FLVCR2: variants seen among roughly 807,000 people sequenced by gnomAD.
The protein encoded by FLVCR2 is FLVCR choline and putative heme transporter 2.
In FLVCR2, 38 loss-of-function variants were observed where a neutral mutation model predicts 48.9. That is an observed-to-expected ratio of 0.78 (90% CI 0.60 to 1.02). FLVCR2 has a LOEUF of 1.02. Ranked by LOEUF, FLVCR2 falls within the 50% of genes least tolerant of loss-of-function variation. The pLI is 0.00. For synonymous variants in FLVCR2, 255 were observed against 257.0 expected (o/e 0.99, Z 0.07); for missense variants, 664 against 663.3 (o/e 1.00, Z -0.01).
chr14:75,601,059 C>T (rs536750189), intron 1 of FLVCR2, among the ~76,000 whole-genome samples: 2 of 152,246 alleles, frequency 1.3e-5, no homozygotes, highest in South Asian at 2.1e-4. Context: ...CATTCAGAGC[C>T]GAGAACCCCC....
chr14:75,589,952 C>T (rs529644278), intron 1 of FLVCR2, among the ~76,000 whole-genome samples: 1 of 152,320 alleles, frequency 6.6e-6, no homozygotes, highest in Admixed American at 6.5e-5. Flanking sequence ...ATCTGGAAAC[C>T]TTGCTGTCTT....
intron 2 of FLVCR2, 118 bp from the exon 3 acceptor site, chr14:75,624,494 T>C (rs1046309227): frequency 2.9e-5 from 34 of 1,181,834 alleles, no homozygotes; most frequent in Non-Finnish European, 3.9e-5. Context: ...AGAATTACTA[T>C]TTCCTTTGGG....
At chr14:75,616,514 G>GCATTTTA (rs1889622172) in intron 1 of FLVCR2, among the ~76,000 whole-genome samples, 4 of 152,028 alleles carry the variant, frequency 2.6e-5, no homozygotes, top group African/African-American at 7.2e-5. Context: ...TTGATACATG[G>GCATTTTA]CATTTTACAT....
At position 75,593,113 on chromosome 14, in the gene FLVCR2, A is replaced by G. The variant is rs75701035; in HGVS notation, c.669+13472A>G. Among the ~76,000 whole-genome samples the G allele has an allele frequency of 4.8e-3, 724 of 152,286 alleles. 6 individuals are homozygous for G. The highest frequency in any genetic ancestry group is 0.015 in the African/African-American group (614 of 41,550). Reference sequence around the variant, plus strand: ...TGTCTTTTTCTGAGCCCTCATCAAAATTACTCTTAATGCCCTGTTCACAGC... The same window carrying G: ...TGTCTTTTTCTGAGCCCTCATCAAAGTTACTCTTAATGCCCTGTTCACAGC... On this transcript the variant is annotated intron_variant, in intron 1 of 9. Transcript: ENST00000238667.
chr14:75,589,517 G>A (rs538753159), intron 1 of FLVCR2, among the ~76,000 whole-genome samples: 5 of 152,286 alleles, frequency 3.3e-5, no homozygotes, highest in Admixed American at 2.6e-4. Context: ...AGCTCTCACA[G>A]TTGGAGTCTC....
chr14:75,644,334 C>G (rs1433154583), intron 9 of FLVCR2, among the ~76,000 whole-genome samples: 3 of 152,200 alleles, frequency 2.0e-5, no homozygotes, highest in Non-Finnish European at 2.9e-5. Flanking sequence ...AGCTTGATAA[C>G]ATTTCTACAG....
chr14:75,616,026 C>CAAAAAAAAAA (rs10629813), intron 1 of FLVCR2, among the ~76,000 whole-genome samples: 12,339 of 25,520 alleles, frequency 0.48, 4,859 homozygotes, highest in Non-Finnish European at 0.62. Flanking sequence ...GACTCCATCT[C>CAAAAAAAAAA]AAAAAAAAAA....
At chr14:75,632,765 G>T in intron 3 of FLVCR2, 2 of 702,218 alleles carry the variant, frequency 2.8e-6, no homozygotes, top group South Asian at 3.0e-5. Flanking sequence ...CCCCCGGTGG[G>T]CATTATGGAG....
intron 1 of FLVCR2, among the ~76,000 whole-genome samples, chr14:75,598,966 T>C (rs1889093572): frequency 6.6e-6 from 1 of 152,258 alleles, no homozygotes; most frequent in South Asian, 2.1e-4. Context: ...CCTTGGGTTA[T>C]ACCCTTTGGG....
chr14:75,605,407 G>A (rs996194253), intron 1 of FLVCR2: 4 of 1,422,572 alleles, frequency 2.8e-6, no homozygotes, highest in East Asian at 5.0e-5. Flanking sequence ...TTTTTCTTTG[G>A]TGAGTCATTC....
At chr14:75,605,603 T>G in intron 1 of FLVCR2, 1 of 1,536,108 alleles carries the variant, frequency 6.5e-7, no homozygotes, top group Non-Finnish European at 8.7e-7. Context: ...CCATCTGTGT[T>G]TGTAGAAGCG....
chr14:75,641,175 T>A lies in FLVCR2; in HGVS notation c.1342-7T>A. The stretch of plus-strand genomic sequence containing the variant: ...CCTTGTTTCCTATCTTCTTTATGCC[T>A]TTCCAGGTATTTGGGATCATCTTTA... On this transcript the variant is annotated splice_polypyrimidine_tract_variant and splice_region_variant and intron_variant, in intron 7 of 9. Transcript: ENST00000238667. 6.2e-7 allele frequency: 1 copy of A among 1,603,982 alleles called. No individual in the cohort carries two copies. Among genetic ancestry groups the A allele is most frequent in the Non-Finnish European group, 8.5e-7 (1 of 1,170,792 alleles).
chr14:75,586,876 C>T (rs1267888161), intron 1 of FLVCR2, among the ~76,000 whole-genome samples: 1 of 151,944 alleles, frequency 6.6e-6, no homozygotes, highest in African/African-American at 2.4e-5. Context: ...ACATACTATA[C>T]CAGGTTTTAA....
intron 1 of FLVCR2, among the ~76,000 whole-genome samples, chr14:75,591,619 G>C (rs898752135): frequency 2.0e-5 from 3 of 152,144 alleles, no homozygotes; most frequent in African/African-American, 4.8e-5. Context: ...GCATTTTGGG[G>C]TCCTTGCGGT....
chr14:75,589,247 T>A (rs1888826647), intron 1 of FLVCR2, among the ~76,000 whole-genome samples: 1 of 152,106 alleles, frequency 6.6e-6, no homozygotes. Flanking sequence ...TAACAAGTTA[T>A]ATGCTTCCAA....
chr14:75,585,521 G>A (rs928704760), intron 1 of FLVCR2, among the ~76,000 whole-genome samples: 1 of 152,118 alleles, frequency 6.6e-6, no homozygotes, highest in Non-Finnish European at 1.5e-5. Context: ...TAGTGAAGGA[G>A]GCAAGTTTAA....
intron 5 of FLVCR2, among the ~76,000 whole-genome samples, chr14:75,636,702 C>CAG (rs1274753052): frequency 2.6e-5 from 4 of 152,192 alleles, no homozygotes; most frequent in African/African-American, 9.7e-5. Flanking sequence ...AGAGAAAAGG[C>CAG]AACTCCCAGT....
intron 5 of FLVCR2, 42 bp from the exon 6 acceptor site, chr14:75,639,310 A>G: frequency 4.1e-6 from 5 of 1,228,406 alleles, no homozygotes; most frequent in Non-Finnish European, 2.4e-6. Flanking sequence ...AGCCTATTAA[A>G]GTCAGAAGTG....
At chr14:75,638,102 T>C (rs1890215029) in intron 5 of FLVCR2, among the ~76,000 whole-genome samples, 1 of 152,168 alleles carries the variant, frequency 6.6e-6, no homozygotes, top group South Asian at 2.1e-4. Context: ...TCTCTCTTAG[T>C]TCCTGCTCTC....
Sources: gnomAD v4.1 joint callset for allele counts (sites outside exome capture counted in the v4.1 genomes callset) on GRCh38, gnomAD v4.1.1 for gene constraint, MANE v1.5 for transcripts, NCBI Gene and HGNC (gene_info 2026-07-23, HGNC 2026-07-21) for gene names.